Variants in POC1B observed in about 807,000 individuals in gnomAD.
POC1B encodes the protein POC1 centriolar protein homolog B.
POC1B carries 44 observed loss-of-function variants against 60.6 expected under a neutral mutation model. The observed-to-expected ratio is 0.73, with a 90% CI of 0.57 to 0.93. The LOEUF (loss-of-function observed/expected upper bound fraction) is 0.93, where lower values mean the gene tolerates loss of function less well. POC1B is among the 40% of genes least tolerant of loss of function. The pLI, the probability that POC1B is intolerant of heterozygous loss-of-function variation, is 0.00. For synonymous variants in POC1B, 180 were observed against 198.9 expected (o/e 0.90, Z 0.80); for missense variants, 555 against 572.3 (o/e 0.97, Z 0.31).
At chr12:89,467,735 C>T (rs1342366865) in intron 7 of POC1B, 50 bp from the exon 8 acceptor site, 1 of 1,411,112 alleles carries the variant, frequency 7.1e-7, no homozygotes, top group Non-Finnish European at 9.9e-7. Context: ...AATGCTTTCT[C>T]ATGGCCAAGA....
rs572905861 is a variant in POC1B, at chr12:89,524,820, C to T, written c.100+300G>A. 3 of 614,892 alleles carry T rather than the reference C, an allele frequency of 4.9e-6. No individual in the cohort carries two copies. In the African/African-American group the frequency reaches 5.6e-5, roughly 11 times the overall value. The allele number at this position is 614,892 out of a possible 1,614,324, so 38.1% of individuals were successfully genotyped here. ...TCTCCAGCCAACACCCCACCCTCCCCGGGCCGAGGAGAAACCCCTCCCCTT... is the reference window on the plus strand; with the variant it reads ...TCTCCAGCCAACACCCCACCCTCCCTGGGCCGAGGAGAAACCCCTCCCCTT... On this transcript the variant is annotated intron_variant, in intron 2 of 11. Transcript: ENST00000313546.
the POC1B span, among the ~76,000 whole-genome samples, chr12:89,409,148 G>A: frequency 1.3e-5 from 2 of 152,102 alleles, no homozygotes; most frequent in East Asian, 3.9e-4. Flanking sequence ...GTCACATTTT[G>A]ACTTTTGTTG....
Position 89,423,820 on chromosome 12 carries a change from TA to T in POC1B, c.1332+1340del, listed in dbSNP as rs370658114. Among the ~76,000 whole-genome samples, 193 of 152,170 alleles carry T rather than the reference TA, an allele frequency of 1.3e-3. 1 individual carries two copies. The highest frequency in any genetic ancestry group is 4.5e-3 in the African/African-American group (185 of 41,502). On this transcript the variant is annotated intron_variant, in intron 11 of 11. Transcript: ENST00000313546. ...GTGATTTATTTAGCTTTGAATCTGG[TA>T]AAAAGGAGGAGAAATAGGTCATGAA...
chr12:89,410,417 C>T, the POC1B span, among the ~76,000 whole-genome samples: 2 of 152,302 alleles, frequency 1.3e-5, no homozygotes, highest in South Asian at 4.1e-4. Flanking sequence ...CGGTGGCTCA[C>T]ACCTGTAATC....
chr12:89,504,283 T>A (rs1178917667), intron 2 of POC1B, among the ~76,000 whole-genome samples: 2 of 152,252 alleles, frequency 1.3e-5, no homozygotes, highest in Non-Finnish European at 2.9e-5. Flanking sequence ...TGCTTTGGGA[T>A]GCTGTTGATC....
chr12:89,518,723 TTTC>T (rs1870606324), intron 2 of POC1B, among the ~76,000 whole-genome samples: 1 of 152,146 alleles, frequency 6.6e-6, no homozygotes, highest in Non-Finnish European at 1.5e-5. Context: ...CTCTATGGAT[TTTC>T]CAGTCTTTTT....
chr12:89,498,295 G>T (rs1869359928), intron 2 of POC1B, among the ~76,000 whole-genome samples: 1 of 152,120 alleles, frequency 6.6e-6, no homozygotes, highest in South Asian at 2.1e-4. Flanking sequence ...ATCAATGGTG[G>T]AAATAACTGA....
chr12:89,505,771 C>T (rs1227904159), intron 2 of POC1B, among the ~76,000 whole-genome samples: 1 of 152,190 alleles, frequency 6.6e-6, no homozygotes, highest in South Asian at 2.1e-4. Context: ...ATCACTCTAG[C>T]TGTTGTGTGG....
chr12:89,502,968 T>C (rs1869652536), intron 2 of POC1B, among the ~76,000 whole-genome samples: 1 of 152,194 alleles, frequency 6.6e-6, no homozygotes, highest in Non-Finnish European at 1.5e-5. Context: ...TAAATATATG[T>C]GTGTATATAT....
At chr12:89,524,358 A>T in intron 2 of POC1B, 2 of 1,614,024 alleles carry the variant, frequency 1.2e-6, no homozygotes, top group South Asian at 2.2e-5. Flanking sequence ...GGGGCTTCTT[A>T]TAAAGCGGTC....
At chr12:89,425,015 C>T in intron 11 of POC1B, 146 bp downstream of exon 11, 1 of 715,622 alleles carries the variant, frequency 1.4e-6, no homozygotes, top group Non-Finnish European at 2.3e-6. Flanking sequence ...TCTACAAGAT[C>T]TTGTTTAGGG....
At chr12:89,508,827 G>C (rs10858889) in intron 2 of POC1B, among the ~76,000 whole-genome samples, 34 of 152,054 alleles carry the variant, frequency 2.2e-4, no homozygotes, top group Non-Finnish European at 2.2e-4. Context: ...TGTCTCTCCT[G>C]CTGCCATGTG....
intron 2 of POC1B, among the ~76,000 whole-genome samples, chr12:89,507,665 C>A (rs1412276746): frequency 6.6e-6 from 1 of 152,190 alleles, no homozygotes; most frequent in Non-Finnish European, 1.5e-5. Flanking sequence ...GAAGAAAGAA[C>A]AAAGCCCATG....
intron 1 of POC1B, 128 bp from the exon 2 acceptor site, chr12:89,525,332 G>T (rs548294523): frequency 2.3e-5 from 33 of 1,441,948 alleles, no homozygotes; most frequent in Non-Finnish European, 2.9e-5. Context: ...TTGGCTGGGC[G>T]GCGGGGCCGG....
At chr12:89,524,482 A>G in intron 2 of POC1B, 2 of 1,613,392 alleles carry the variant, frequency 1.2e-6, no homozygotes, top group South Asian at 1.1e-5. Context: ...CTCCACGAAG[A>G]TATAGGCCAC....
intron 2 of POC1B, chr12:89,524,207 G>T (rs764723686): frequency 1.2e-6 from 2 of 1,614,010 alleles, no homozygotes; most frequent in Non-Finnish European, 1.7e-6. Context: ...TCCTCTATGT[G>T]TCGATGCAGG....
the POC1B span, among the ~76,000 whole-genome samples, chr12:89,404,014 C>T: frequency 6.6e-6 from 1 of 152,044 alleles, no homozygotes; most frequent in African/African-American, 2.4e-5. Context: ...TGCCTGTAAT[C>T]CCAGCTACTC....
the POC1B span, among the ~76,000 whole-genome samples, chr12:89,410,032 T>A: frequency 6.6e-6 from 1 of 152,202 alleles, no homozygotes; most frequent in Non-Finnish European, 1.5e-5. Context: ...ATATCCCTGA[T>A]GAACATCGAT....
At chr12:89,441,439 C>A (rs1043900620) in intron 10 of POC1B, among the ~76,000 whole-genome samples, 2 of 152,242 alleles carry the variant, frequency 1.3e-5, no homozygotes, top group South Asian at 2.1e-4. Context: ...GATCAGGGAG[C>A]AACATTTGCT....
Sources: allele counts gnomAD v4.1 joint callset (sites outside exome capture counted in the v4.1 genomes callset), GRCh38; gene constraint gnomAD v4.1.1; transcripts MANE v1.5; gene names NCBI Gene and HGNC (gene_info 2026-07-23, HGNC 2026-07-21).